FBXO34: variants seen among roughly 807,000 people sequenced by gnomAD.
FBXO34 encodes the protein F-box protein 34.
Under a neutral mutation model 24.5 loss-of-function variants are expected in FBXO34, and 12 were observed. The observed-to-expected ratio is 0.49, with a 90% CI of 0.31 to 0.79. The LOEUF (loss-of-function observed/expected upper bound fraction) is 0.79, where lower values mean the gene tolerates loss of function less well. FBXO34 is among the 30% of genes least tolerant of loss of function. The pLI, the probability that FBXO34 is intolerant of heterozygous loss-of-function variation, is 0.04. For missense variants in FBXO34, 823 were observed against 857.7 expected (o/e 0.96, Z 0.51); for synonymous variants, 320 against 311.9 (o/e 1.03, Z -0.27).
chr14:55,291,476 TCA>T (rs2139678043), intron 1 of FBXO34, among the ~76,000 whole-genome samples: 1 of 152,314 alleles, frequency 6.6e-6, no homozygotes, highest in South Asian at 2.1e-4. Context: ...ACCCTTCTAC[TCA>T]CAAACATGTC....
chr14:55,313,555 C>G (rs1401539971), intron 1 of FBXO34, among the ~76,000 whole-genome samples: 1 of 152,170 alleles, frequency 6.6e-6, no homozygotes, highest in Non-Finnish European at 1.5e-5. Flanking sequence ...AAAAAACTGC[C>G]TGAAACTAGG....
chr14:55,293,834 GT>G (rs373931699), intron 1 of FBXO34, among the ~76,000 whole-genome samples: 42 of 148,844 alleles, frequency 2.8e-4, no homozygotes, highest in African/African-American at 4.9e-4. Flanking sequence ...ATGAAGTGTG[GT>G]TTTTTTTTTT....
chr14:55,311,269 A>T (rs1464909562), intron 1 of FBXO34, among the ~76,000 whole-genome samples: 1 of 152,200 alleles, frequency 6.6e-6, no homozygotes, highest in African/African-American at 2.4e-5. Flanking sequence ...ATTCACTAAC[A>T]TGAGAACAGC....
intron 1 of FBXO34, among the ~76,000 whole-genome samples, chr14:55,296,396 T>TG (rs1298484726): frequency 1.6e-5 from 2 of 126,168 alleles, no homozygotes; most frequent in Admixed American, 7.7e-5. Context: ...TTTTTGTTTT[T>TG]TTTTTTTTTT....
the FBXO34 span, among the ~76,000 whole-genome samples, chr14:55,423,866 T>C: frequency 6.6e-6 from 1 of 152,196 alleles, no homozygotes; most frequent in Non-Finnish European, 1.5e-5. Flanking sequence ...TAAAAGCCTT[T>C]ATGAAGAGTT....
the FBXO34 span, among the ~76,000 whole-genome samples, chr14:55,376,079 G>A: frequency 6.6e-6 from 1 of 152,108 alleles, no homozygotes; most frequent in Admixed American, 6.6e-5. Flanking sequence ...ATAAATACTG[G>A]TTAACTGCAT....
chr14:55,393,120 G>A, the FBXO34 span, among the ~76,000 whole-genome samples: 3 of 152,140 alleles, frequency 2.0e-5, no homozygotes, highest in Non-Finnish European at 4.4e-5. Flanking sequence ...GGTGGCTCAC[G>A]CCTGTAATCC....
chr14:55,423,345 A>G, the FBXO34 span, among the ~76,000 whole-genome samples: 1 of 152,382 alleles, frequency 6.6e-6, no homozygotes, highest in East Asian at 1.9e-4. Flanking sequence ...CAATTGGGCG[A>G]TTTGTTCTAA....
chr14:55,428,714 A>C, the FBXO34 span: 1 of 1,352,670 alleles, frequency 7.4e-7, no homozygotes, highest in Non-Finnish European at 1.0e-6. Flanking sequence ...TTTTTTAATC[A>C]CAATTTCTCT....
At chr14:55,319,164 T>C (rs1218669505) in intron 1 of FBXO34, among the ~76,000 whole-genome samples, 1 of 152,210 alleles carries the variant, frequency 6.6e-6, no homozygotes, top group Non-Finnish European at 1.5e-5. Flanking sequence ...GATTCCTTTA[T>C]TGAGGAATGC....
intron 1 of FBXO34, among the ~76,000 whole-genome samples, chr14:55,349,805 C>G (rs1884283225): frequency 6.6e-6 from 1 of 151,792 alleles, no homozygotes; most frequent in Non-Finnish European, 1.5e-5. Context: ...CAGGGTTTTC[C>G]CATGTTGGCC....
intron 1 of FBXO34, among the ~76,000 whole-genome samples, chr14:55,343,050 G>T (rs1884042249): frequency 6.6e-6 from 1 of 152,050 alleles, no homozygotes; most frequent in African/African-American, 2.4e-5. Context: ...TATATCTGCA[G>T]CACTTTGCTG....
At chr14:55,298,413 A>C (rs1178948519) in intron 1 of FBXO34, among the ~76,000 whole-genome samples, 2 of 151,978 alleles carry the variant, frequency 1.3e-5, no homozygotes, top group African/African-American at 4.8e-5. Context: ...GAGTGGAGGA[A>C]GTCCTTGAAA....
At chr14:55,430,316 T>G in the FBXO34 span, among the ~76,000 whole-genome samples, 2 of 151,036 alleles carry the variant, frequency 1.3e-5, no homozygotes, top group Non-Finnish European at 1.5e-5. Flanking sequence ...ATCCAGATCC[T>G]TCACCAACAC....
chr14:55,290,464 A>G lies in FBXO34; in HGVS notation c.-11+18927A>G, dbSNP rs368799168. On this transcript the variant is annotated intron_variant, in intron 1 of 1. Transcript: ENST00000313833. ...ATAATGGATACAGTAACATACACAG[A>G]TGTTAAGTGCATGGTTCAGTGAGGT... Among the ~76,000 whole-genome samples, 7 of 152,236 alleles carry G rather than the reference A, an allele frequency of 4.6e-5. No individual in the cohort carries two copies. The East Asian group carries it at 9.6e-4, about 21-fold the overall frequency.
chr14:55,419,108 A>T, the FBXO34 span, among the ~76,000 whole-genome samples: 4 of 152,248 alleles, frequency 2.6e-5, no homozygotes, highest in South Asian at 6.2e-4. Flanking sequence ...AGAATTAAGA[A>T]GTTGGCCAGG....
At chr14:55,395,564 G>A in the FBXO34 span, among the ~76,000 whole-genome samples, 1 of 152,052 alleles carries the variant, frequency 6.6e-6, no homozygotes, top group African/African-American at 2.4e-5. Context: ...TTTCCTCTAC[G>A]GTTTATAAAG....
rs367785386 is a variant in FBXO34, at chr14:55,276,138, A to G, written c.-11+4601A>G. On this transcript the variant is annotated intron_variant, in intron 1 of 1. Transcript: ENST00000313833. ...GAATACCTTTTCTCCTTTTCTTTCC[A>G]CTCTCAGGCATGCATATACCTTCTT... Among the ~76,000 whole-genome samples, 49 of 152,220 alleles carry G rather than the reference A, an allele frequency of 3.2e-4. 1 individual carries two copies. Among genetic ancestry groups the G allele is most frequent in the African/African-American group, 1.2e-3 (49 of 41,524 alleles).
the FBXO34 span, chr14:55,440,428 G>C: frequency 4.3e-6 from 7 of 1,612,994 alleles, no homozygotes; most frequent in African/African-American, 9.3e-5. Context: ...TAGAGCTCCA[G>C]GTAGGTCTCC....
Sources: gnomAD v4.1 joint callset for allele counts (sites outside exome capture counted in the v4.1 genomes callset) on GRCh38, gnomAD v4.1.1 for gene constraint, MANE v1.5 for transcripts, NCBI Gene and HGNC (gene_info 2026-07-23, HGNC 2026-07-21) for gene names.